SLC26A1: variants seen among roughly 807,000 people sequenced by gnomAD.
SLC26A1 encodes solute carrier family 26 member 1.
SLC26A1 carries 18 observed loss-of-function variants against 14.5 expected under a neutral mutation model. The ratio of observed to expected loss-of-function variants is 1.24; its 90% CI spans 0.86 to 1.84. The LOEUF is 1.84. Among genes scored for constraint, SLC26A1 ranks in the 40% most tolerant of loss-of-function variants. The pLI is 0.00. For missense variants in SLC26A1, 1,049 were observed against 1,020.0 expected (o/e 1.03, Z -0.39); for synonymous variants, 505 against 492.0 (o/e 1.03, Z -0.35).
rs1577520575 is a variant in SLC26A1 at position 991,483 on chromosome 4, A to G, written c.221T>C (p.Met74Thr). The G allele has an allele frequency of 1.2e-6, 2 of 1,611,126 alleles. No individual in the cohort carries two copies. The highest frequency in any genetic ancestry group is 1.3e-5 in the African/African-American group (1 of 75,040). ...RPREYLAGDV[M>T]SGLVIGIILV... The stretch of plus-strand genomic sequence containing the variant: ...GATGATGCCGATGACCAGCCCAGAC[A>G]TGACGTCGCCTGCCAGGTACTCCCG... Residue 74 changes from methionine to threonine, a missense_variant, in exon 2 of 3, where the codon ATG (methionine) becomes ACG (threonine). Met to Thr is a moderately conservative substitution (Grantham distance 81). Transcript: ENST00000398516.
chr4:992,575 G>C (rs1714451888), intron 1 of SLC26A1: 1 of 216,026 alleles, frequency 4.6e-6, no homozygotes, highest in Non-Finnish European at 9.4e-6. Context: ...TGCCCAGACA[G>C]TTCTGGGACG....
rs537153873 is a variant in SLC26A1 at position 989,257 on chromosome 4, A to T, written c.1682T>A (p.Leu561His). The change falls in exon 3 of 3, where the codon CTC becomes CAC. Residue 561 changes from leucine (L) to histidine (H), a missense_variant. Physicochemically the swap from Leu to His is moderately conservative, Grantham distance 99. Transcript: ENST00000398516. ...CATGCACCCTGCGTCCAGCCCCGTG[A>T]GGCTGTAGAGTGACTGCAGGAAGAA... ...KDFFLQSLYS[L>H]TGLDAGCMAA... 6.2e-7 allele frequency: 1 copy of T among 1,612,598 alleles called. No homozygotes were observed. Among genetic ancestry groups the T allele is most frequent in the South Asian group, 1.1e-5 (1 of 91,082 alleles).
downstream of SLC26A1, among the ~76,000 whole-genome samples, chr4:984,966 TTCTG>T (rs1713654949): frequency 6.6e-6 from 1 of 152,210 alleles, no homozygotes; most frequent in Non-Finnish European, 1.5e-5. Flanking sequence ...CAGTGAGGAC[TTCTG>T]TCTGTTTTTG....
chr4:989,675 C>T lies in SLC26A1; in HGVS notation c.1264G>A (p.Val422Met), dbSNP rs557184715. 3.6e-5 allele frequency: 57 copies of T among 1,571,452 alleles called. No homozygotes were observed. The highest frequency in any genetic ancestry group is 5.8e-5 in the South Asian group (5 of 85,894). ...TQLSSVVSAT[V>M]VLLVLLALAP... The stretch of plus-strand genomic sequence containing the variant: ...AGCGCCAGCAGCACCAGCAGCACCA[C>T]GGTGGCGCTGACCACGCTGGACAGC... The change falls in exon 3 of 3, where the codon GTG becomes ATG. Residue 422 changes from valine (V) to methionine (M), a missense_variant. Transcript: ENST00000398516.
rs376518879 is a variant in SLC26A1 at position 989,260 on chromosome 4, C to T, written c.1679G>A (p.Ser560Asn). The T allele has an allele frequency of 6.2e-7, 1 of 1,612,704 alleles. No individual in the cohort carries two copies. Among genetic ancestry groups the T allele is most frequent in the Non-Finnish European group, 8.5e-7 (1 of 1,179,870 alleles). Reference sequence around the variant, plus strand: ...GCACCCTGCGTCCAGCCCCGTGAGGCTGTAGAGTGACTGCAGGAAGAAGTC... The same window carrying T: ...GCACCCTGCGTCCAGCCCCGTGAGGTTGTAGAGTGACTGCAGGAAGAAGTC... ...NKDFFLQSLYSLTGLDAGCMA... is the reference protein window; with the variant it reads ...NKDFFLQSLYNLTGLDAGCMA... The change falls in exon 3 of 3, where the codon AGC becomes AAC. Residue 560 changes from serine to asparagine, a missense_variant. Coordinates refer to ENST00000398516, the MANE Select transcript of SLC26A1 (RefSeq NM_022042.4).
chr4:985,473 A>G (rs937055394), downstream of SLC26A1, among the ~76,000 whole-genome samples: 1 of 152,202 alleles, frequency 6.6e-6, no homozygotes, highest in African/African-American at 2.4e-5. Context: ...GTCCTGCACC[A>G]CGGTGTGGGA....
At position 990,130 on chromosome 4, in the gene SLC26A1, C is replaced by G. The variant is rs866427681; in HGVS notation, c.809G>C (p.Cys270Ser). 1.5e-5 allele frequency: 23 copies of G among 1,574,540 alleles called. No individual in the cohort carries two copies. Among genetic ancestry groups the G allele is most frequent in the Non-Finnish European group, 1.7e-5 (20 of 1,161,678 alleles). Residue 270 changes from cysteine (C) to serine (S), a missense_variant, in exon 3 of 3, where the codon TGC becomes TCC. By Grantham distance (112) the Cys-to-Ser change is moderately radical. Transcript: ENST00000398516. Reference sequence around the variant, plus strand: ...CTTCGCGGCTAGCAGCACCGCCAGGCACACCGTGCTGGTGACCACGTCGCA... The same window carrying G: ...CTTCGCGGCTAGCAGCACCGCCAGGGACACCGTGCTGGTGACCACGTCGCA... The part of the protein sequence containing the change: ...NVCDVVTSTV[C>S]LAVLLAAKEL...
Position 987,857 on chromosome 4 carries a change from C to G in SLC26A1, c.*976G>C, listed in dbSNP as rs906783102. On this transcript the variant is annotated 3_prime_UTR_variant, in exon 3 of 3. Transcript: ENST00000398516. ...CTGACCAGTACGTCCTCAGCTGGGACCAGCAGCTCAACCTCGCCTATGTGG... is the reference window on the plus strand; with the variant it reads ...CTGACCAGTACGTCCTCAGCTGGGAGCAGCAGCTCAACCTCGCCTATGTGG... 6.2e-7 allele frequency: 1 copy of G among 1,612,476 alleles called. No homozygotes were observed. The highest frequency in any genetic ancestry group is 8.5e-7 in the Non-Finnish European group (1 of 1,179,858).
chr4:989,808 C>G lies in SLC26A1; in HGVS notation c.1131G>C (p.Leu377=). 1.9e-6 allele frequency: 3 copies of G among 1,577,180 alleles called. No individual in the cohort carries two copies. The highest frequency in any genetic ancestry group is 2.6e-6 in the Non-Finnish European group (3 of 1,162,234). ...HGYSVRANQE[L]LAVGCCNVLP... ...GCACGTTGCAGCAGCCCACAGCCAG[C>G]AGCTCCTGGTTGGCACGCACAGAGT... The change falls in exon 3 of 3, where the codon CTG becomes CTC. Residue 377 remains leucine (L), a synonymous_variant. Transcript: ENST00000398516.
rs772217979 is a variant in SLC26A1, at chr4:990,244, A to G, written c.695T>C (p.Leu232Pro). 6.3e-7 allele frequency: 1 copy of G among 1,584,782 alleles called. No homozygotes were observed. Among genetic ancestry groups the G allele is most frequent in the Non-Finnish European group, 8.6e-7 (1 of 1,167,160 alleles). Residue 232 changes from leucine to proline, a missense_variant, in exon 3 of 3, where the codon CTG becomes CCG. Transcript: ENST00000398516. The part of the protein sequence containing the change: ...TILTSQLKHL[L>P]GVRIPRHQGP... ...CTGGTGCCGCGGGATCCGCACGCCC[A>G]GCAGGTGTTTGAGCTGCGAGGTCAG...
downstream of SLC26A1, among the ~76,000 whole-genome samples, chr4:984,150 C>T (rs991668343): frequency 4.6e-5 from 7 of 152,144 alleles, no homozygotes; most frequent in African/African-American, 1.7e-4. Context: ...TGCTGTTAAA[C>T]CAATTCGTTA....
Position 991,707 on chromosome 4 carries a change from G to A in SLC26A1, c.-4C>T. The A allele has an allele frequency of 6.5e-7, 1 of 1,535,840 alleles. No homozygotes were observed. The highest frequency in any genetic ancestry group is 8.7e-7 in the Non-Finnish European group (1 of 1,147,524). On this transcript the variant is annotated 5_prime_UTR_variant, in exon 2 of 3. Coordinates refer to ENST00000398516, the MANE Select transcript of SLC26A1 (RefSeq NM_022042.4). ...GAGGCTCAGGGGACTCGTCCATCCTGTTGCGTCAGGTCCCGTGGCCGACCT... is the reference window on the plus strand; with the variant it reads ...GAGGCTCAGGGGACTCGTCCATCCTATTGCGTCAGGTCCCGTGGCCGACCT...
In SLC26A1 at chr4:987,884, C is replaced by T. The variant is rs138932617; in HGVS notation, c.*949G>A. On this transcript the variant is annotated 3_prime_UTR_variant, in exon 3 of 3. Coordinates refer to ENST00000398516, the MANE Select transcript of SLC26A1 (RefSeq NM_022042.4). ...AGCAGCTCAACCTCGCCTATGTGGG[C>T]GCCGTCCCTCACCGCGGCATCAAGC... The T allele has an allele frequency of 1.0e-3, 1,690 of 1,611,412 alleles. 2 individuals carry two copies. The highest frequency in any genetic ancestry group is 1.8e-3 in the Middle Eastern group (11 of 6,042).
At chr4:986,363 C>T (rs1309576731), downstream of SLC26A1, among the ~76,000 whole-genome samples, 3 of 152,206 alleles carry the variant, frequency 2.0e-5, no homozygotes. Flanking sequence ...TTTGCAGGTG[C>T]TCAAGTACTT....
At chr4:990,927 CT>C in intron 2 of SLC26A1, 200 bp downstream of exon 2, 1 of 575,822 alleles carries the variant, frequency 1.7e-6, no homozygotes, top group South Asian at 2.7e-5. Context: ...TGCCCCTCCC[CT>C]CCTGCATCCA....
Position 989,123 on chromosome 4 carries a change from C to T in SLC26A1, c.1816G>A (p.Ala606Thr). 1 of 1,606,768 alleles carries T rather than the reference C, an allele frequency of 6.2e-7. No homozygotes were observed. Among genetic ancestry groups the T allele is most frequent in the Non-Finnish European group, 8.5e-7 (1 of 1,176,704 alleles). The change falls in exon 3 of 3, where the codon GCG becomes ACG. Residue 606 changes from alanine to threonine, a missense_variant. Ala to Thr is a moderately conservative substitution (Grantham distance 58). Transcript: ENST00000398516. ...ATGACCACTGTGTGGAAGCCGGCCG[C>T]TGCGGGCACCAGCGCAGCCCTGGTG... ...VSTRAALVPA[A>T]AGFHTVVIDC...
At chr4:986,941 C>T (rs1329838225), downstream of SLC26A1, 1 of 659,560 alleles carries the variant, frequency 1.5e-6, no homozygotes, top group Non-Finnish European at 2.6e-6. Context: ...CCGAGGCCAC[C>T]CAACCCCTCC....
chr4:990,124 G>T lies in SLC26A1; in HGVS notation c.815C>A (p.Ala272Glu), dbSNP rs144162753. 5.0e-5 allele frequency: 79 copies of T among 1,577,644 alleles called. No homozygotes were observed. The highest frequency in any genetic ancestry group is 6.6e-5 in the Non-Finnish European group (77 of 1,163,540). The change falls in exon 3 of 3, where the codon GCG (alanine) becomes GAG (glutamate). Residue 272 changes from alanine (A) to glutamate (E), a missense_variant. Transcript: ENST00000398516. ...CDVVTSTVCL[A>E]VLLAAKELSD... Reference sequence around the variant, plus strand: ...GAGCTCCTTCGCGGCTAGCAGCACCGCCAGGCACACCGTGCTGGTGACCAC... The same window carrying T: ...GAGCTCCTTCGCGGCTAGCAGCACCTCCAGGCACACCGTGCTGGTGACCAC...
Position 991,157 on chromosome 4 carries a change from C to T in SLC26A1, c.547G>A (p.Ala183Thr), listed in dbSNP as rs546110251. 1.6e-5 allele frequency: 25 copies of T among 1,558,316 alleles called. No homozygotes were observed. The highest frequency in any genetic ancestry group is 9.8e-5 in the South Asian group (8 of 81,934). The change falls in exon 2 of 3, where the codon GCC (alanine) becomes ACC (threonine). Residue 183 changes from alanine (A) to threonine (T), a missense_variant. Coordinates refer to ENST00000398516, the MANE Select transcript of SLC26A1 (RefSeq NM_022042.4). ...TAAAGCCCGGTCATCAGCGTGAGGG[C>T]GGTGGCGACACGGATGGCGTAGCAG... ...RDCYAIRVAT[A>T]LTLMTGLYQV...
Sources: allele counts gnomAD v4.1 joint callset (sites outside exome capture counted in the v4.1 genomes callset), GRCh38; gene constraint gnomAD v4.1.1; transcripts MANE v1.5; gene names NCBI Gene and HGNC (gene_info 2026-07-23, HGNC 2026-07-21).